DTHD1: variants seen among roughly 807,000 people sequenced by gnomAD.
The protein encoded by DTHD1 is death domain containing 1, also known as death domain-containing protein 1.
In DTHD1, 59 loss-of-function variants were observed where a neutral mutation model predicts 74.8. The observed-to-expected ratio is 0.79, with a 90% CI of 0.64 to 0.98. The LOEUF (loss-of-function observed/expected upper bound fraction) is 0.98. Among genes scored for constraint, DTHD1 ranks in the 50% least tolerant of loss-of-function variants. The probability of loss-of-function intolerance (pLI) is 0.00; values close to 1 mark genes in which losing one functional copy is unlikely to be tolerated. For missense variants in DTHD1, 1,051 were observed against 1,065.4 expected, an observed-to-expected ratio of 0.99 and a Z score of 0.19; for synonymous variants, 365 against 371.1, an observed-to-expected ratio of 0.98 and a Z score of 0.19.
intron 8 of DTHD1, among the ~76,000 whole-genome samples, chr4:36,333,238 T>C (rs1357839301): frequency 6.6e-6 from 1 of 152,028 alleles, no homozygotes; most frequent in Non-Finnish European, 1.5e-5. Flanking sequence ...ATATGTGAAA[T>C]ATACAAATAT....
chr4:36,337,058 G>A (rs1212426078), intron 8 of DTHD1, among the ~76,000 whole-genome samples: 4 of 152,126 alleles, frequency 2.6e-5, no homozygotes, highest in Non-Finnish European at 5.9e-5. Context: ...GACCGCACGA[G>A]GCCAAATGTT....
At chr4:36,285,659 G>T (rs6854387) in intron 2 of DTHD1, among the ~76,000 whole-genome samples, 138,954 of 151,688 alleles carry the variant, frequency 0.92, 63,767 homozygotes, top group African/African-American at 0.96. Context: ...AAAAAAATAT[G>T]TGTTTTGGGC....
At position 36,306,242 on chromosome 4, in the gene DTHD1, G is replaced by A. The variant is rs1206153139; in HGVS notation, c.1695G>A (p.Leu565=). The change falls in exon 6 of 10, where the codon TTG becomes TTA. Residue 565 remains leucine (L), a synonymous_variant. Transcript: ENST00000639862. The part of the protein sequence containing the change: ...RKPRKNASEC[L]KLLGFRSQDS... ...CTAGGAAAAATGCCAGTGAATGTTT[G>A]AAATTACTGGGATTCAGAAGCCAAG... The A allele has an allele frequency of 6.4e-6, 10 of 1,551,870 alleles. No individual in the cohort carries two copies. In the East Asian group the frequency reaches 2.2e-4, roughly 34 times the overall value.
intron 5 of DTHD1, among the ~76,000 whole-genome samples, chr4:36,305,743 T>A (rs994788846): frequency 6.6e-6 from 1 of 152,202 alleles, no homozygotes; most frequent in Non-Finnish European, 1.5e-5. Context: ...TGCTCTTCCC[T>A]TTTTTGCTAT....
intron 2 of DTHD1, among the ~76,000 whole-genome samples, chr4:36,288,905 T>C (rs1374271150): frequency 5.3e-5 from 8 of 152,164 alleles, no homozygotes; most frequent in Admixed American, 2.0e-4. Flanking sequence ...TTAAACAATG[T>C]TTCTCATTTT....
At position 36,281,921 on chromosome 4, in the gene DTHD1, A is replaced by T; in HGVS notation, c.163A>T (p.Ser55Cys). The T allele has an allele frequency of 7.5e-7, 1 of 1,335,390 alleles. No homozygotes were observed. The highest frequency in any genetic ancestry group is 9.6e-7 in the Non-Finnish European group (1 of 1,036,450). 82.7% of individuals were successfully genotyped at this position (1,335,390 alleles called of 1,614,324 possible). A position where few individuals can be genotyped will look rare whatever the true frequency, so the allele number is the denominator to read the frequency against. The change falls in exon 1 of 10, where the codon AGC becomes TGC. Residue 55 changes from serine to cysteine, a missense_variant. Coordinates refer to ENST00000639862, the MANE Select transcript of DTHD1 (RefSeq NM_001170700.3). ...TGTGGTCTTTCTGGGTCAGGAACTC[A>T]GCAGTGCCCTTCACCAGCTGCTGGA... Reference protein sequence around the residue: ...ATVVFLGQELSSALHQLLEHT... With the variant: ...ATVVFLGQELCSALHQLLEHT...
At chr4:36,326,507 T>G (rs1311211027) in intron 8 of DTHD1, among the ~76,000 whole-genome samples, 1 of 152,072 alleles carries the variant, frequency 6.6e-6, no homozygotes, top group Non-Finnish European at 1.5e-5. Flanking sequence ...AACTACTGTT[T>G]GAAACCAAGT....
intron 2 of DTHD1, 32 bp downstream of exon 2, chr4:36,284,623 T>C: frequency 7.1e-7 from 1 of 1,414,006 alleles, no homozygotes; most frequent in Non-Finnish European, 9.4e-7. Flanking sequence ...AGTGCTTAAG[T>C]ATGCCTACTT....
At chr4:36,313,792 CAG>C (rs889715608) in intron 7 of DTHD1, among the ~76,000 whole-genome samples, 1 of 152,158 alleles carries the variant, frequency 6.6e-6, no homozygotes, top group African/African-American at 2.4e-5. Context: ...GTGCCCCCGG[CAG>C]AGAGTATAAT....
chr4:36,343,710 G>A lies in DTHD1; in HGVS notation c.2607G>A (p.Leu869=). 6.4e-7 allele frequency: 1 copy of A among 1,551,680 alleles called. No individual in the cohort carries two copies. Residue 869 remains leucine, a synonymous_variant, in exon 10 of 10, where the codon CTG becomes CTA. Transcript: ENST00000639862. ...LPTFTDKLRL[L]ARHLRKIGRS... Reference sequence around the variant, plus strand: ...CTTTCACCGACAAACTTCGCCTCCTGGCTCGACATCTCCGCAAGATTGGCA... The same window carrying A: ...CTTTCACCGACAAACTTCGCCTCCTAGCTCGACATCTCCGCAAGATTGGCA...
Position 36,284,124 on chromosome 4 carries a change from A to C in DTHD1, c.420A>C (p.Gln140His). 6.5e-7 allele frequency: 1 copy of C among 1,537,270 alleles called. No individual in the cohort carries two copies. Among genetic ancestry groups the C allele is most frequent in the Non-Finnish European group, 8.7e-7 (1 of 1,146,894 alleles). Residue 140 changes from glutamine (Q) to histidine (H), a missense_variant, in exon 2 of 10, where the codon CAA becomes CAC. Gln to His is a conservative substitution (Grantham distance 24). Coordinates refer to ENST00000639862, the MANE Select transcript of DTHD1 (RefSeq NM_001170700.3). The stretch of plus-strand genomic sequence containing the variant: ...CACAGCAGACAATGTCCTCCATTCA[A>C]GATACCAAAGCAGCAGACATTGCTG... Reference protein sequence around the residue: ...CTPQQTMSSIQDTKAADIAAR... With the variant: ...CTPQQTMSSIHDTKAADIAAR...
chr4:36,290,734 G>A (rs1325706449), intron 3 of DTHD1, 31 bp downstream of exon 3: 44 of 1,470,590 alleles, frequency 3.0e-5, no homozygotes, highest in Non-Finnish European at 3.9e-5. Context: ...ATCTACATTT[G>A]CTGTTTGGCT....
At chr4:36,303,288 A>G (rs2109486321) in intron 5 of DTHD1, among the ~76,000 whole-genome samples, 1 of 152,352 alleles carries the variant, frequency 6.6e-6, no homozygotes, top group East Asian at 1.9e-4. Flanking sequence ...GTGAGACACA[A>G]GTATACTATC....
rs1578441381 is a variant in DTHD1 at position 36,293,766 on chromosome 4, T to C, written c.1398+61T>C. 2.2e-6 allele frequency: 3 copies of C among 1,346,258 alleles called. No individual in the cohort carries two copies. The East Asian group carries it at 7.8e-5, about 35-fold the overall frequency. 83.4% of individuals were successfully genotyped at this position (1,346,258 alleles called of 1,614,324 possible). On this transcript the variant is annotated intron_variant, in intron 4 of 9. Coordinates refer to ENST00000639862, the MANE Select transcript of DTHD1 (RefSeq NM_001170700.3). ...AGATTTTGTGGGTCATCAAGCATGG[T>C]TCTAAACAACAAAGAAGGTATCAAT...
At chr4:36,311,951 A>G (rs79680816) in intron 7 of DTHD1, among the ~76,000 whole-genome samples, 1 of 152,202 alleles carries the variant, frequency 6.6e-6, no homozygotes, top group African/African-American at 2.4e-5. Flanking sequence ...CTATTCACTT[A>G]TAGAGAATAT....
At chr4:36,298,022 G>A (rs1756545494) in intron 5 of DTHD1, among the ~76,000 whole-genome samples, 1 of 151,758 alleles carries the variant, frequency 6.6e-6, no homozygotes, top group Admixed American at 6.6e-5. Flanking sequence ...AGTTAAATTG[G>A]CCAAGTTGCT....
Position 36,334,750 on chromosome 4 carries a change from C to T in DTHD1, c.2341-4362C>T, listed in dbSNP as rs114410804. ...AAGGCATGTGTTTTTCAAAAAGCAG[C>T]GGAGATCTGAAATGTGTTCTGCAGG... is the stretch of plus-strand genomic sequence containing the variant. On this transcript the variant is annotated intron_variant, in intron 8 of 9. Coordinates refer to ENST00000639862, the MANE Select transcript of DTHD1 (RefSeq NM_001170700.3). Among the ~76,000 whole-genome samples the T allele has an allele frequency of 2.4e-3, 362 of 152,228 alleles. 1 individual carries two copies. The highest frequency in any genetic ancestry group is 8.1e-3 in the African/African-American group (335 of 41,538).
intron 3 of DTHD1, among the ~76,000 whole-genome samples, chr4:36,292,541 T>C (rs2109458749): frequency 6.6e-6 from 1 of 152,330 alleles, no homozygotes; most frequent in South Asian, 2.1e-4. Context: ...GCAACCACTG[T>C]TGGTTTCTAG....
rs528623473 is a variant in DTHD1, at chr4:36,311,329, T to C, written c.2095+2836T>C. 6 of 152,296 alleles carry C rather than the reference T, an allele frequency of 3.9e-5. No homozygotes were observed. In the South Asian group the frequency reaches 1.2e-3, roughly 32 times the overall value. 9.4% of individuals were successfully genotyped at this position (152,296 alleles called of 1,614,324 possible). On this transcript the variant is annotated intron_variant, in intron 7 of 9. Transcript: ENST00000639862. ...TTTTCTCTGCCTAAGAGGGAAAAGA[T>C]CCTCAGTAAACAATTGATACCTCAT...
Sources: gnomAD v4.1 joint callset for allele counts (sites outside exome capture counted in the v4.1 genomes callset) on GRCh38, gnomAD v4.1.1 for gene constraint, MANE v1.5 for transcripts, NCBI Gene and HGNC (gene_info 2026-07-23, HGNC 2026-07-21) for gene names.